The following KIAA0825 variants were observed in gnomAD, a reference collection of about 807,000 sequenced individuals.
KIAA0825 encodes uncharacterized protein KIAA0825.
KIAA0825 carries 119 observed loss-of-function variants against 147.6 expected under a neutral mutation model. The ratio of observed to expected loss-of-function variants is 0.81; its 90% CI spans 0.69 to 0.94. The LOEUF is 0.94. KIAA0825 is among the 40% of genes least tolerant of loss of function. KIAA0825 has a pLI of 0.00. For missense variants in KIAA0825, 1,381 were observed against 1,472.7 expected (o/e 0.94, Z 1.02); for synonymous variants, 470 against 518.1 (o/e 0.91, Z 1.26).
intron 6 of KIAA0825, among the ~76,000 whole-genome samples, chr5:94,479,382 G>C (rs1762245317): frequency 6.6e-6 from 1 of 152,116 alleles, no homozygotes; most frequent in African/African-American, 2.4e-5. Context: ...CTTTCGCTTA[G>C]TGATATGCAT....
chr5:94,251,431 T>A (rs1209963645), intron 20 of KIAA0825, among the ~76,000 whole-genome samples: 1 of 152,130 alleles, frequency 6.6e-6, no homozygotes, highest in Non-Finnish European at 1.5e-5. Context: ...GTTTATTAGA[T>A]GCAAGGTAGC....
intron 6 of KIAA0825, among the ~76,000 whole-genome samples, chr5:94,480,609 A>T (rs1405241798): frequency 6.6e-6 from 1 of 152,042 alleles, no homozygotes; most frequent in Middle Eastern, 3.2e-3. Context: ...TTACGGAAAA[A>T]GTTAATTATC....
rs1453974841 is a variant in KIAA0825 at position 94,152,789 on chromosome 5, C to T, written c.*1218G>A. On this transcript the variant is annotated 3_prime_UTR_variant, in exon 21 of 21. Transcript: ENST00000682413. ...ATGATCATGCCACTGCACTACATTCCAGGCAACAGAGCAAGACCCTGTTTC... is the reference window on the plus strand; with the variant it reads ...ATGATCATGCCACTGCACTACATTCTAGGCAACAGAGCAAGACCCTGTTTC... Among the ~76,000 whole-genome samples, 4 of 118,626 alleles carry T rather than the reference C, an allele frequency of 3.4e-5. No individual in the cohort carries two copies. Among genetic ancestry groups the T allele is most frequent in the African/African-American group, 1.3e-4 (4 of 30,570 alleles). 77.8% of individuals were successfully genotyped at this position (118,626 alleles called of 152,430 possible).
At chr5:94,564,825 C>T (rs1357050719) in intron 2 of KIAA0825, among the ~76,000 whole-genome samples, 1 of 152,102 alleles carries the variant, frequency 6.6e-6, no homozygotes, top group African/African-American at 2.4e-5. Context: ...CAACTTATCC[C>T]TGTGCAGGGT....
chr5:94,258,980 A>T (rs1269609211), intron 20 of KIAA0825, among the ~76,000 whole-genome samples: 1 of 152,052 alleles, frequency 6.6e-6, no homozygotes, highest in African/African-American at 2.4e-5. Context: ...TTCAATTATT[A>T]TTTAAGGTAA....
chr5:94,297,114 C>T (rs1358903082), intron 20 of KIAA0825, among the ~76,000 whole-genome samples: 4 of 152,130 alleles, frequency 2.6e-5, no homozygotes, highest in Non-Finnish European at 5.9e-5. Context: ...ATTCAGAGAA[C>T]TTAATGTTAT....
chr5:94,300,442 T>C (rs951493532), intron 20 of KIAA0825, among the ~76,000 whole-genome samples: 1 of 152,106 alleles, frequency 6.6e-6, no homozygotes, highest in African/African-American at 2.4e-5. Context: ...ATCAAAATTT[T>C]AAGAAAATTT....
intron 3 of KIAA0825, among the ~76,000 whole-genome samples, chr5:94,532,696 A>ATTT (rs772203748): frequency 0.013 from 1,806 of 135,140 alleles, 17 homozygotes; most frequent in Non-Finnish European, 0.02. Flanking sequence ...GCCTGGGCTA[A>ATTT]TTTTTTTTTT....
chr5:94,516,315 T>A (rs1453227857), intron 5 of KIAA0825, among the ~76,000 whole-genome samples: 7 of 152,100 alleles, frequency 4.6e-5, no homozygotes, highest in African/African-American at 1.7e-4. Context: ...TAGAATAACA[T>A]AGCACAGCAT....
intron 6 of KIAA0825, among the ~76,000 whole-genome samples, chr5:94,483,083 G>C (rs1489784066): frequency 6.6e-6 from 1 of 151,904 alleles, no homozygotes; most frequent in Non-Finnish European, 1.5e-5. Flanking sequence ...TAATCTAATG[G>C]AATTGAATCA....
intron 20 of KIAA0825, among the ~76,000 whole-genome samples, chr5:94,213,128 T>G (rs1019040332): frequency 6.6e-6 from 1 of 152,098 alleles, no homozygotes; most frequent in African/African-American, 2.4e-5. Flanking sequence ...AACCCCTGTT[T>G]GTTTGACTCT....
intron 13 of KIAA0825, among the ~76,000 whole-genome samples, chr5:94,444,559 C>T (rs938470594): frequency 6.6e-6 from 1 of 151,806 alleles, no homozygotes; most frequent in Non-Finnish European, 1.5e-5. Context: ...ATGAAGGTCT[C>T]GGTGACCCCA....
intron 2 of KIAA0825, among the ~76,000 whole-genome samples, chr5:94,543,554 A>G (rs571166263): frequency 6.6e-5 from 10 of 152,264 alleles, no homozygotes; most frequent in African/African-American, 2.4e-4. Flanking sequence ...ACTGATTCCT[A>G]CTGATGCTTT....
intron 5 of KIAA0825, among the ~76,000 whole-genome samples, chr5:94,504,904 T>C (rs1358131421): frequency 2.0e-5 from 3 of 151,746 alleles, no homozygotes; most frequent in African/African-American, 4.8e-5. Flanking sequence ...CATGCCACCA[T>C]ACCTGGCTAA....
chr5:94,444,350 G>C lies in KIAA0825; in HGVS notation c.2358-4229C>G, dbSNP rs147786512. ...GGCAAAGAAAGGAATTACTATGCTG[G>C]TGAGGGTGATTAACCCTACTTATCA... On this transcript the variant is annotated intron_variant, in intron 13 of 20. Coordinates refer to ENST00000682413, the MANE Select transcript of KIAA0825 (RefSeq NM_001145678.3). Among the ~76,000 whole-genome samples, 682 of 152,238 alleles carry C rather than the reference G, an allele frequency of 4.5e-3. 9 individuals carry two copies. The highest frequency in any genetic ancestry group is 0.044 in the Middle Eastern group (13 of 294).
rs1554049434 is a variant in KIAA0825, at chr5:94,574,562, A to AAG, written c.-2+7870_-2+7871insCT. Among the ~76,000 whole-genome samples the AAG allele has an allele frequency of 8.0e-3, 1,199 of 149,658 alleles. 10 individuals are homozygous for AAG. Among genetic ancestry groups the AAG allele is most frequent in the African/African-American group, 0.028 (1,131 of 40,210 alleles). The stretch of plus-strand genomic sequence containing the variant: ...CCATCTCAAAAAAAAAAAAAAAAAA[A>AAG]AAAGAAAAAAAAAGAAAGGACATAA... On this transcript the variant is annotated intron_variant, in intron 2 of 20. Coordinates refer to ENST00000682413, the MANE Select transcript of KIAA0825 (RefSeq NM_001145678.3).
intron 12 of KIAA0825, among the ~76,000 whole-genome samples, chr5:94,457,646 T>C (rs1434313858): frequency 6.6e-6 from 1 of 152,240 alleles, no homozygotes; most frequent in South Asian, 2.1e-4. Context: ...GCATTCCTTT[T>C]TCCTTTAACA....
intron 14 of KIAA0825, among the ~76,000 whole-genome samples, chr5:94,425,318 G>A (rs1426496745): frequency 6.6e-6 from 1 of 152,180 alleles, no homozygotes; most frequent in Non-Finnish European, 1.5e-5. Context: ...AGGGATGCAA[G>A]GATGGTTTAG....
chr5:94,510,123 A>G (rs1766279641), intron 5 of KIAA0825, among the ~76,000 whole-genome samples: 1 of 152,214 alleles, frequency 6.6e-6, no homozygotes, highest in Non-Finnish European at 1.5e-5. Context: ...TCCAATAATT[A>G]CACTATGTTG....
Sources: allele counts gnomAD v4.1 joint callset (sites outside exome capture counted in the v4.1 genomes callset), GRCh38; gene constraint gnomAD v4.1.1; transcripts MANE v1.5; gene names NCBI Gene and HGNC (gene_info 2026-07-23, HGNC 2026-07-21).